FLI1: variants seen among roughly 807,000 people sequenced by gnomAD.
The protein encoded by FLI1 is Friend leukemia integration 1 transcription factor.
FLI1 carries 13 observed loss-of-function variants against 53.1 expected under a neutral mutation model. That is an observed-to-expected ratio of 0.24 (90% CI 0.16 to 0.39). The LOEUF is 0.39. FLI1 is among the 10% of genes least tolerant of loss of function. The pLI is 1.00. For synonymous variants in FLI1, 244 were observed against 236.7 expected, an observed-to-expected ratio of 1.03 and a Z score of -0.28; for missense variants, 424 against 600.5, an observed-to-expected ratio of 0.71 and a Z score of 3.07.
intron 1 of FLI1, among the ~76,000 whole-genome samples, chr11:128,728,108 A>C (rs1384923705): frequency 6.6e-6 from 1 of 152,232 alleles, no homozygotes; most frequent in Non-Finnish European, 1.5e-5. Context: ...CTCCGCTTTA[A>C]GAGGAATCAC....
chr11:128,801,614 C>T (rs1942640361), intron 5 of FLI1, among the ~76,000 whole-genome samples: 1 of 152,342 alleles, frequency 6.6e-6, no homozygotes, highest in African/African-American at 2.4e-5. Context: ...TACCCCTCAA[C>T]ACCCCAGATG....
At chr11:128,702,848 C>T (rs373973185) in intron 1 of FLI1, among the ~76,000 whole-genome samples, 91 of 135,970 alleles carry the variant, frequency 6.7e-4, no homozygotes, top group African/African-American at 2.3e-3. Context: ...GGCAACAGGG[C>T]GAGATTCTGT....
intron 1 of FLI1, among the ~76,000 whole-genome samples, chr11:128,699,138 T>C (rs1354699506): frequency 6.6e-6 from 1 of 152,216 alleles, no homozygotes; most frequent in East Asian, 1.9e-4. Flanking sequence ...CATCAGACTG[T>C]GTCATAAGTA....
intron 1 of FLI1, among the ~76,000 whole-genome samples, chr11:128,697,905 G>A (rs1044383105): frequency 1.2e-4 from 18 of 152,218 alleles, no homozygotes; most frequent in African/African-American, 4.3e-4. Context: ...GTTGAGTGGT[G>A]ATATATCTTC....
At chr11:128,799,034 A>ATTTTTTTTT (rs1215901447) in intron 5 of FLI1, among the ~76,000 whole-genome samples, 2 of 131,810 alleles carry the variant, frequency 1.5e-5, no homozygotes, top group Admixed American at 8.3e-5. Context: ...TATTATTATT[A>ATTTTTTTTT]TTATTATTAT....
At chr11:128,750,863 G>A (rs188594478) in intron 1 of FLI1, among the ~76,000 whole-genome samples, 10 of 152,326 alleles carry the variant, frequency 6.6e-5, no homozygotes, top group Admixed American at 2.0e-4. Context: ...TTTTAAATTC[G>A]TGAATGCACA....
chr11:128,689,527 C>T (rs1937655411), upstream of FLI1, among the ~76,000 whole-genome samples: 1 of 152,186 alleles, frequency 6.6e-6, no homozygotes, highest in Non-Finnish European at 1.5e-5. Flanking sequence ...GTTGCTAGCC[C>T]CAGAATGTTC....
intron 2 of FLI1, chr11:128,764,583 C>A (rs1941256140): frequency 5.6e-6 from 8 of 1,416,526 alleles, no homozygotes; most frequent in Non-Finnish European, 7.7e-6. Flanking sequence ...GCAGTGCAGG[C>A]AAGCTGAATG....
At chr11:128,782,913 G>A (rs1449320978) in intron 5 of FLI1, among the ~76,000 whole-genome samples, 2 of 152,158 alleles carry the variant, frequency 1.3e-5, no homozygotes, top group Admixed American at 6.5e-5. Context: ...TGAAACAAGT[G>A]AATAATTCAT....
At chr11:128,752,507 G>A (rs1045323572) in intron 1 of FLI1, among the ~76,000 whole-genome samples, 2 of 152,210 alleles carry the variant, frequency 1.3e-5, no homozygotes, top group African/African-American at 4.8e-5. Flanking sequence ...TATGCTCTAA[G>A]TTACAATAAA....
chr11:128,714,710 CTT>C (rs11381734), intron 1 of FLI1, among the ~76,000 whole-genome samples: 4 of 121,632 alleles, frequency 3.3e-5, no homozygotes, highest in Admixed American at 2.7e-4. Flanking sequence ...CTTGAAGGAC[CTT>C]TTTTTTTTTT....
At position 128,772,789 on chromosome 11, in the gene FLI1, A is replaced by G. The variant is rs774236717; in HGVS notation, c.393A>G (p.Thr131=). 23 of 1,613,826 alleles carry G rather than the reference A, an allele frequency of 1.4e-5. No homozygotes were observed. In the East Asian group the frequency reaches 2.4e-4, roughly 17 times the overall value. Residue 131 remains threonine, a synonymous_variant, in exon 4 of 9, where the codon ACA becomes ACG. Coordinates refer to ENST00000527786, the MANE Select transcript of FLI1 (RefSeq NM_002017.5). ...ERRVIVPADP[T]LWTQEHVRQW... ...ACGTCTTCTCCTCTGCAGACCCCAC[A>G]CTGTGGACACAGGAGCATGTGAGGC...
At chr11:128,777,678 GC>G (rs1476137744) in intron 4 of FLI1, among the ~76,000 whole-genome samples, 3 of 152,216 alleles carry the variant, frequency 2.0e-5, no homozygotes, top group Non-Finnish European at 2.9e-5. Flanking sequence ...CCAGAGCCTT[GC>G]ACCCTCCCGC....
chr11:128,690,750 T>C (rs1937706224), upstream of FLI1, among the ~76,000 whole-genome samples: 1 of 152,262 alleles, frequency 6.6e-6, no homozygotes, highest in African/African-American at 2.4e-5. Flanking sequence ...GGCTGTTTTG[T>C]TGTTGGGACA....
intron 1 of FLI1, among the ~76,000 whole-genome samples, chr11:128,706,690 G>A (rs1434552823): frequency 2.6e-5 from 4 of 152,140 alleles, no homozygotes; most frequent in Non-Finnish European, 5.9e-5. Context: ...AACCCACAGG[G>A]ACTCCTGCTT....
intron 1 of FLI1, among the ~76,000 whole-genome samples, chr11:128,733,095 T>C (rs1318986704): frequency 6.6e-6 from 1 of 152,242 alleles, no homozygotes; most frequent in Non-Finnish European, 1.5e-5. Context: ...TTGAATATAC[T>C]AATGGAGATC....
rs566026855 is a variant in FLI1, at chr11:128,812,817, G to A, written c.*1829G>A. 1.6e-5 allele frequency: 3 copies of A among 193,536 alleles called. No homozygotes were observed. The Admixed American group carries it at 1.9e-4, about 12-fold the overall frequency. The allele number at this position is 193,536 out of a possible 1,614,324, so 12.0% of individuals were successfully genotyped here. ...AGCGCCCTGCTTCCTTCAGGTCTCA[G>A]ACCAGGACTTTATGGCTCATGCAGA... On this transcript the variant is annotated 3_prime_UTR_variant, in exon 9 of 9. Transcript: ENST00000527786.
chr11:128,743,406 A>T (rs970358377), intron 1 of FLI1, among the ~76,000 whole-genome samples: 2 of 118,948 alleles, frequency 1.7e-5, no homozygotes, highest in African/African-American at 3.7e-5. Context: ...CCATGTCTCT[A>T]AAAAAAAAAA....
At chr11:128,704,112 G>A (rs1372904602) in intron 1 of FLI1, among the ~76,000 whole-genome samples, 3 of 152,150 alleles carry the variant, frequency 2.0e-5, no homozygotes, top group Non-Finnish European at 4.4e-5. Context: ...TATATAAAAT[G>A]AAGGTATGAT....
Sources: gnomAD v4.1 joint callset for allele counts (sites outside exome capture counted in the v4.1 genomes callset) on GRCh38, gnomAD v4.1.1 for gene constraint, MANE v1.5 for transcripts, NCBI Gene and HGNC (gene_info 2026-07-23, HGNC 2026-07-21) for gene names.